Variants in CLYBL observed in about 807,000 individuals in gnomAD.
The protein encoded by CLYBL is citramalyl-CoA lyase.
Under a neutral mutation model 38.9 loss-of-function variants are expected in CLYBL, and 31 were observed. The observed-to-expected ratio is 0.80, with a 90% CI of 0.60 to 1.08. The LOEUF (loss-of-function observed/expected upper bound fraction) is 1.08, where lower values mean the gene tolerates loss of function less well. CLYBL is among the 50% of genes least tolerant of loss of function. CLYBL has a pLI of 0.00. For missense variants in CLYBL, 434 were observed against 411.6 expected, an observed-to-expected ratio of 1.05 and a Z score of -0.47; for synonymous variants, 171 against 158.6, an observed-to-expected ratio of 1.08 and a Z score of -0.59.
chr13:99,612,243 T>C (rs1231194443), intron 1 of CLYBL, among the ~76,000 whole-genome samples: 1 of 152,180 alleles, frequency 6.6e-6, no homozygotes, highest in Non-Finnish European at 1.5e-5. Context: ...TTTTGTTTTA[T>C]CGATTTTTCT....
downstream of CLYBL, chr13:99,896,753 T>C (rs778218376): frequency 1.3e-5 from 2 of 152,242 alleles, no homozygotes; most frequent in African/African-American, 2.4e-5. Context: ...AACTGTTAAA[T>C]CAACTTTGCC....
intron 3 of CLYBL, among the ~76,000 whole-genome samples, chr13:99,861,641 G>A (rs2051605880): frequency 6.6e-6 from 1 of 152,164 alleles, no homozygotes; most frequent in Non-Finnish European, 1.5e-5. Context: ...TACTAAGGAG[G>A]TGATGATGAT....
intron 1 of CLYBL, among the ~76,000 whole-genome samples, chr13:99,756,609 G>GT (rs1025308096): frequency 6.6e-6 from 1 of 151,668 alleles, no homozygotes. Flanking sequence ...TGTTGTTGTT[G>GT]TTGTTTGTTT....
chr13:99,896,175 G>A (rs1365783992), downstream of CLYBL: 1 of 151,266 alleles, frequency 6.6e-6, no homozygotes, highest in Non-Finnish European at 1.5e-5. Flanking sequence ...CGCCCGCCGC[G>A]GGCCGCCCGG....
intron 7 of CLYBL, among the ~76,000 whole-genome samples, chr13:99,888,624 G>A (rs1021174602): frequency 9.9e-5 from 15 of 152,180 alleles, no homozygotes; most frequent in South Asian, 8.3e-4. Context: ...GTGGTGGCAC[G>A]CACCTGTAGT....
At chr13:99,736,987 C>A (rs1336961827) in intron 1 of CLYBL, among the ~76,000 whole-genome samples, 1 of 152,018 alleles carries the variant, frequency 6.6e-6, no homozygotes, top group Non-Finnish European at 1.5e-5. Flanking sequence ...CAAAAAAAAC[C>A]CTTTAGATTT....
At chr13:99,804,599 G>A (rs908856964) in intron 2 of CLYBL, among the ~76,000 whole-genome samples, 2 of 151,966 alleles carry the variant, frequency 1.3e-5, no homozygotes, top group Admixed American at 6.6e-5. Context: ...TTCCTGTCTC[G>A]CCTGCCTTTA....
At chr13:99,731,063 A>T (rs1346438442) in intron 1 of CLYBL, among the ~76,000 whole-genome samples, 1 of 137,216 alleles carries the variant, frequency 7.3e-6, no homozygotes, top group African/African-American at 2.7e-5. Flanking sequence ...AGCCTGGGTG[A>T]CAGAGTGAGA....
intron 2 of CLYBL, among the ~76,000 whole-genome samples, chr13:99,806,020 T>A (rs2806303): frequency 2.6e-5 from 4 of 152,162 alleles, no homozygotes; most frequent in Non-Finnish European, 4.4e-5. Flanking sequence ...TAGATTGTCT[T>A]CAGTTTTTCA....
intron 1 of CLYBL, among the ~76,000 whole-genome samples, chr13:99,642,863 A>G (rs1007466291): frequency 2.6e-5 from 4 of 151,844 alleles, no homozygotes; most frequent in Admixed American, 1.3e-4. Flanking sequence ...GGCTCAAACC[A>G]TCCTCCCACC....
At chr13:99,628,640 C>T (rs1469255991) in intron 1 of CLYBL, among the ~76,000 whole-genome samples, 2 of 152,174 alleles carry the variant, frequency 1.3e-5, no homozygotes, top group Non-Finnish European at 2.9e-5. Flanking sequence ...CATTTATAAG[C>T]ATAGAGAGCC....
In CLYBL at chr13:99,865,158, A is replaced by G; in HGVS notation, c.634+247A>G. Reference sequence around the variant, plus strand: ...TTTATAAAAGACACGAGCAATAGAAAGCCTGTTGCAGCCCCAGGCATGCTC... The same window carrying G: ...TTTATAAAAGACACGAGCAATAGAAGGCCTGTTGCAGCCCCAGGCATGCTC... On this transcript the variant is annotated intron_variant, in intron 5 of 8. Coordinates refer to ENST00000339105, the MANE Select transcript of CLYBL (RefSeq NM_206808.5). The surrounding 1 kb of genome is among the most constrained non-coding windows in gnomAD (Gnocchi z 4.7). 1 of 465,030 alleles carries G rather than the reference A, an allele frequency of 2.2e-6. No homozygotes were observed. The highest frequency in any genetic ancestry group is 4.1e-6 in the Non-Finnish European group (1 of 244,538). The allele number at this position is 465,030 out of a possible 1,614,324, so 28.8% of individuals were successfully genotyped here. A position where few individuals can be genotyped will look rare whatever the true frequency, so the allele number is the denominator to read the frequency against.
intron 2 of CLYBL, among the ~76,000 whole-genome samples, chr13:99,845,664 A>G (rs2051185046): frequency 6.6e-6 from 1 of 152,106 alleles, no homozygotes; most frequent in South Asian, 2.1e-4. Context: ...AGGCTCTGCC[A>G]CTTGCTCCAC....
At chr13:99,671,786 A>T (rs2047568432) in intron 1 of CLYBL, among the ~76,000 whole-genome samples, 1 of 125,248 alleles carries the variant, frequency 8.0e-6, no homozygotes, top group African/African-American at 2.9e-5. Context: ...TCTCAAAAAA[A>T]AAAAAAAAAT....
chr13:99,771,851 T>G (rs1416118210), intron 1 of CLYBL, among the ~76,000 whole-genome samples: 1 of 152,220 alleles, frequency 6.6e-6, no homozygotes, highest in Non-Finnish European at 1.5e-5. Flanking sequence ...TGCCAGGCTC[T>G]GGCTAAGTGC....
intron 1 of CLYBL, among the ~76,000 whole-genome samples, chr13:99,658,929 C>G (rs138695047): frequency 6.6e-6 from 1 of 152,244 alleles, no homozygotes; most frequent in East Asian, 1.9e-4. Flanking sequence ...CTGCTGTTTC[C>G]TAATTTAGTA....
chr13:99,709,928 T>C (rs1440370252), intron 1 of CLYBL, among the ~76,000 whole-genome samples: 29 of 144,336 alleles, frequency 2.0e-4, no homozygotes, highest in African/African-American at 4.3e-4. Flanking sequence ...TCTTTCTTTT[T>C]TTTTTTTTTT....
chr13:99,853,174 T>C (rs1039056516), intron 2 of CLYBL, among the ~76,000 whole-genome samples: 1 of 152,082 alleles, frequency 6.6e-6, no homozygotes. Flanking sequence ...ACAAATTCTT[T>C]TCATAGGTTT....
intron 1 of CLYBL, among the ~76,000 whole-genome samples, chr13:99,716,305 C>T (rs555778366): frequency 2.0e-5 from 3 of 147,388 alleles, no homozygotes; most frequent in East Asian, 2.0e-4. Flanking sequence ...CCACCATGCC[C>T]GGCAGACGTC....
Sources: allele counts gnomAD v4.1 joint callset (sites outside exome capture counted in the v4.1 genomes callset), GRCh38; gene constraint gnomAD v4.1.1; non-coding constraint Gnocchi (gnomAD v3.1); transcripts MANE v1.5; gene names NCBI Gene and HGNC (gene_info 2026-07-23, HGNC 2026-07-21).